Variants in ASIC2 observed in about 807,000 individuals in gnomAD.
ASIC2 encodes the protein acid sensing ion channel subunit 2.
ASIC2 carries 25 observed loss-of-function variants against 57.3 expected under a neutral mutation model. That is an observed-to-expected ratio of 0.44 (90% CI 0.32 to 0.61). The LOEUF (loss-of-function observed/expected upper bound fraction) is 0.61. Ranked by LOEUF, ASIC2 falls within the 20% of genes least tolerant of loss-of-function variation. ASIC2 has a pLI of 0.06. For missense variants in ASIC2, 641 were observed against 738.1 expected (o/e 0.87, Z 1.52); for synonymous variants, 319 against 307.5 (o/e 1.04, Z -0.39).
intron 1 of ASIC2, among the ~76,000 whole-genome samples, chr17:34,099,596 GAAAAAAGA>G (rs1343838806): frequency 8.3e-6 from 1 of 121,054 alleles, no homozygotes; most frequent in East Asian, 2.4e-4. Flanking sequence ...GAAAGAAAGA[GAAAAAAGA>G]GAGAAAGAGG....
chr17:34,014,501 T>C (rs551751881), intron 1 of ASIC2, among the ~76,000 whole-genome samples: 5 of 152,246 alleles, frequency 3.3e-5, no homozygotes, highest in African/African-American at 1.2e-4. Flanking sequence ...TAAGAAAGGG[T>C]GCCCTAAATA....
intron 1 of ASIC2, among the ~76,000 whole-genome samples, chr17:33,188,037 G>A (rs1001802450): frequency 1.3e-5 from 2 of 151,958 alleles, no homozygotes; most frequent in Admixed American, 6.5e-5. Flanking sequence ...TAGTAGTCAA[G>A]AACATTAAAA....
intron 1 of ASIC2, among the ~76,000 whole-genome samples, chr17:33,632,494 G>T (rs9900034): frequency 6.6e-6 from 1 of 151,678 alleles, no homozygotes; most frequent in African/African-American, 2.4e-5. Flanking sequence ...TCAGAAGATC[G>T]TACTCCACCC....
At chr17:33,128,236 T>G (rs1291501373) in intron 1 of ASIC2, among the ~76,000 whole-genome samples, 1 of 152,176 alleles carries the variant, frequency 6.6e-6, no homozygotes, top group Non-Finnish European at 1.5e-5. Flanking sequence ...GTCTGCTCAC[T>G]CCTACTTGAA....
intron 1 of ASIC2, chr17:33,530,277 A>G (rs981100056): frequency 7.2e-5 from 11 of 152,242 alleles, no homozygotes; most frequent in Non-Finnish European, 1.6e-4. Context: ...CACAGAACCT[A>G]AATGCTTTGT....
chr17:34,047,663 G>C (rs1315044003), intron 1 of ASIC2, among the ~76,000 whole-genome samples: 4 of 152,038 alleles, frequency 2.6e-5, no homozygotes, highest in African/African-American at 9.7e-5. Flanking sequence ...AATCTGGGCT[G>C]TTCTGCTGAC....
At chr17:34,079,906 C>T (rs1909812989) in intron 1 of ASIC2, among the ~76,000 whole-genome samples, 1 of 152,172 alleles carries the variant, frequency 6.6e-6, no homozygotes, top group African/African-American at 2.4e-5. Flanking sequence ...CTTCTAGCTC[C>T]ATGCAACACT....
intron 1 of ASIC2, among the ~76,000 whole-genome samples, chr17:33,251,764 C>A (rs1908892673): frequency 6.6e-6 from 1 of 152,142 alleles, no homozygotes; most frequent in Non-Finnish European, 1.5e-5. Flanking sequence ...TGTCATACAG[C>A]TAATAAGATG....
chr17:33,100,874 C>T (rs887251405), intron 2 of ASIC2, among the ~76,000 whole-genome samples: 1 of 152,206 alleles, frequency 6.6e-6, no homozygotes, highest in African/African-American at 2.4e-5. Flanking sequence ...CTAGAACACA[C>T]GTATTTTCTG....
At position 34,037,784 on chromosome 17, in the gene ASIC2, C is replaced by G. The variant is rs34076830; in HGVS notation, c.555+118194G>C. Reference sequence around the variant, plus strand: ...CTCCTTTCGGTAGGCCAAGCATCGTCGAATCAACGCCTTTGCTTCAGGTGT... The same window carrying G: ...CTCCTTTCGGTAGGCCAAGCATCGTGGAATCAACGCCTTTGCTTCAGGTGT... On this transcript the variant is annotated intron_variant, in intron 1 of 9. Coordinates refer to the ASIC2 transcript ENST00000359872. The G allele has an allele frequency of 6.8e-6, 11 of 1,614,080 alleles. No individual in the cohort carries two copies. In the African/African-American group the frequency reaches 1.1e-4, roughly 16 times the overall value.
chr17:33,301,363 A>T (rs542681731), intron 1 of ASIC2, among the ~76,000 whole-genome samples: 1 of 152,220 alleles, frequency 6.6e-6, no homozygotes, highest in Non-Finnish European at 1.5e-5. Flanking sequence ...TGTTATCTTC[A>T]CAGCAACTCT....
intron 1 of ASIC2, among the ~76,000 whole-genome samples, chr17:33,665,928 C>G (rs1801092319): frequency 6.6e-6 from 1 of 152,066 alleles, no homozygotes; most frequent in South Asian, 2.1e-4. Context: ...GGTTAGGGGC[C>G]CCTTCTCTGT....
At chr17:33,545,946 T>G (rs1915561815) in intron 1 of ASIC2, among the ~76,000 whole-genome samples, 2 of 152,252 alleles carry the variant, frequency 1.3e-5, no homozygotes, top group South Asian at 4.1e-4. Context: ...CCTTGGACTT[T>G]CCCTTGCTGG....
chr17:33,266,860 A>G (rs1216350789), intron 1 of ASIC2, among the ~76,000 whole-genome samples: 2 of 152,098 alleles, frequency 1.3e-5, no homozygotes, highest in Non-Finnish European at 2.9e-5. Flanking sequence ...CCAGTACACC[A>G]ACTAATTTTT....
rs192394890 is a variant in ASIC2 at position 33,559,770 on chromosome 17, T to G, written c.556-447703A>C. On this transcript the variant is annotated intron_variant, in intron 1 of 9. Transcript: ENST00000359872. ...GATGACATGTAAGGGACAGTATGGG[T>G]TTTTGCCCATCAGTAAATTCCCAAC... 5.9e-4 allele frequency among the ~76,000 whole-genome samples: 90 copies of G among 152,242 alleles called. 1 individual carries two copies. The highest frequency in any genetic ancestry group is 2.0e-3 in the African/African-American group (82 of 41,544).
chr17:33,229,744 C>A (rs796456648), intron 1 of ASIC2, among the ~76,000 whole-genome samples: 6 of 152,280 alleles, frequency 3.9e-5, no homozygotes, highest in African/African-American at 1.4e-4. Context: ...AGCTGGCTGA[C>A]CTTGGAACAA....
At chr17:33,281,135 G>A (rs563290906) in intron 1 of ASIC2, among the ~76,000 whole-genome samples, 1 of 152,318 alleles carries the variant, frequency 6.6e-6, no homozygotes, top group African/African-American at 2.4e-5. Context: ...GTGACCTGCG[G>A]TGTGACCTTG....
intron 1 of ASIC2, chr17:34,037,755 G>A (rs1193149846): frequency 6.8e-6 from 11 of 1,614,090 alleles, no homozygotes; most frequent in East Asian, 2.2e-5. Flanking sequence ...ACATCAATGC[G>A]GTCCTCCTTT....
chr17:34,059,672 C>G (rs1028892404), intron 1 of ASIC2, among the ~76,000 whole-genome samples: 23 of 152,160 alleles, frequency 1.5e-4, no homozygotes, highest in Non-Finnish European at 2.8e-4. Context: ...GAGAATGCGA[C>G]CAGCCCTTTG....
Sources: allele counts gnomAD v4.1 joint callset (sites outside exome capture counted in the v4.1 genomes callset), GRCh38; gene constraint gnomAD v4.1.1; transcripts MANE v1.5; gene names NCBI Gene and HGNC (gene_info 2026-07-23, HGNC 2026-07-21).